The following SEC14L1 variants were observed in gnomAD, a reference collection of about 807,000 sequenced individuals.
SEC14L1 encodes the protein SEC14-like protein 1.
SEC14L1 carries 48 observed loss-of-function variants against 85.3 expected under a neutral mutation model. The ratio of observed to expected loss-of-function variants is 0.56; its 90% CI spans 0.45 to 0.72. SEC14L1 has a LOEUF of 0.72. Ranked by LOEUF, SEC14L1 falls within the 30% of genes least tolerant of loss-of-function variation. The pLI, the probability that SEC14L1 is intolerant of heterozygous loss-of-function variation, is 0.00. For synonymous variants in SEC14L1, 391 were observed against 355.5 expected, an observed-to-expected ratio of 1.10 and a Z score of -1.12; for missense variants, 682 against 921.4, an observed-to-expected ratio of 0.74 and a Z score of 3.36.
chr17:77,209,181 T>G (rs1205077123), intron 13 of SEC14L1, among the ~76,000 whole-genome samples, 161 bp from the exon 14 acceptor site: 3 of 152,240 alleles, frequency 2.0e-5, no homozygotes, highest in Non-Finnish European at 4.4e-5. Flanking sequence ...AAAAACATAT[T>G]GCTCAGTAGT....
At chr17:77,154,184 G>A (rs997026463) in intron 3 of SEC14L1, among the ~76,000 whole-genome samples, 1 of 152,178 alleles carries the variant, frequency 6.6e-6, no homozygotes, top group Non-Finnish European at 1.5e-5. Context: ...TAAAGTGTAC[G>A]GGAGGGCTGG....
chr17:77,203,233 T>G (rs1443976280), intron 9 of SEC14L1, among the ~76,000 whole-genome samples: 1 of 152,218 alleles, frequency 6.6e-6, no homozygotes, highest in East Asian at 1.9e-4. Flanking sequence ...GAGCCCAGCT[T>G]ATGGGCAGTT....
rs80149849 is a variant in SEC14L1, at chr17:77,123,778, G to A, written c.-135-18868G>A. On this transcript the variant is annotated intron_variant, in intron 3 of 19. Transcript: ENST00000392476. ...GTGTTAGAATCAGGTCCACCTGCTG[G>A]CCAGGCAGGGGCCAGCTTCCCCGGC... Among the ~76,000 whole-genome samples the A allele has an allele frequency of 6.0e-3, 915 of 152,272 alleles. 11 individuals are homozygous for A. Among genetic ancestry groups the A allele is most frequent in the African/African-American group, 0.021 (856 of 41,566 alleles).
intron 3 of SEC14L1, chr17:77,099,003 GA>G (rs1332835865): frequency 4.6e-5 from 7 of 151,902 alleles, no homozygotes; most frequent in African/African-American, 1.7e-4. Context: ...TATTTGTTGT[GA>G]TTTTTTTTTT....
At chr17:77,180,478 G>A (rs1974983089) in intron 3 of SEC14L1, among the ~76,000 whole-genome samples, 1 of 152,178 alleles carries the variant, frequency 6.6e-6, no homozygotes, top group Non-Finnish European at 1.5e-5. Flanking sequence ...GAGTGCAGTG[G>A]CGTGATCATG....
rs1404687622 is a variant in SEC14L1, at chr17:77,214,980, C to T, written c.*957C>T. 14 of 985,308 alleles carry T rather than the reference C, an allele frequency of 1.4e-5. No homozygotes were observed. Among genetic ancestry groups the T allele is most frequent in the Non-Finnish European group, 1.6e-5 (13 of 829,986 alleles). 61.0% of individuals were successfully genotyped at this position (985,308 alleles called of 1,614,324 possible). On this transcript the variant is annotated 3_prime_UTR_variant, in exon 17 of 17. Coordinates refer to ENST00000436233, the MANE Select transcript of SEC14L1 (RefSeq NM_001143998.2). ...CCATGGGGTTTTATTAGTAGCTAAG[C>T]AGCAGCTCTCGCATCCACTTCAGGG...
At chr17:77,137,557 A>C (rs1387760520), upstream of SEC14L1, among the ~76,000 whole-genome samples, 1 of 152,142 alleles carries the variant, frequency 6.6e-6, no homozygotes, top group Non-Finnish European at 1.5e-5. Flanking sequence ...TGTGGATTAC[A>C]ATTCAACATG....
At chr17:77,150,123 T>G (rs1364697468) in intron 3 of SEC14L1, among the ~76,000 whole-genome samples, 3 of 152,216 alleles carry the variant, frequency 2.0e-5, no homozygotes, top group Non-Finnish European at 4.4e-5. Flanking sequence ...CTCCTCTTGC[T>G]TTATTTTGTT....
In SEC14L1 at chr17:77,214,130, C is replaced by G; in HGVS notation, c.*107C>G. 1 of 1,487,112 alleles carries G rather than the reference C, an allele frequency of 6.7e-7. No individual in the cohort carries two copies. The highest frequency in any genetic ancestry group is 8.9e-7 in the Non-Finnish European group (1 of 1,121,000). 92.1% of individuals were successfully genotyped at this position (1,487,112 alleles called of 1,614,324 possible). A position where few individuals can be genotyped will look rare whatever the true frequency, so the allele number is the denominator to read the frequency against. ...GACATTGTACAGACTCCTCTCACCT[C>G]TAGATAGCAAATAGCTCTCAGATGG... On this transcript the variant is annotated 3_prime_UTR_variant, in exon 17 of 17. Coordinates refer to ENST00000436233, the MANE Select transcript of SEC14L1 (RefSeq NM_001143998.2).
intron 3 of SEC14L1, among the ~76,000 whole-genome samples, chr17:77,133,676 C>T (rs1249147595): frequency 6.6e-6 from 1 of 152,082 alleles, no homozygotes; most frequent in African/African-American, 2.4e-5. Context: ...CGGTGGCTCA[C>T]CCCTGTAATC....
intron 3 of SEC14L1, among the ~76,000 whole-genome samples, chr17:77,114,546 A>T (rs2143376658): frequency 6.6e-6 from 1 of 150,676 alleles, no homozygotes; most frequent in Middle Eastern, 3.4e-3. Flanking sequence ...CAAAAAAGGC[A>T]GGCACTGGCC....
chr17:77,154,378 G>C (rs1018362176), intron 3 of SEC14L1, among the ~76,000 whole-genome samples: 7 of 152,236 alleles, frequency 4.6e-5, no homozygotes, highest in Non-Finnish European at 8.8e-5. Flanking sequence ...GGAGACTTGA[G>C]ACAGGATTGT....
chr17:77,209,122 A>G (rs935204141), intron 13 of SEC14L1, among the ~76,000 whole-genome samples: 2 of 152,196 alleles, frequency 1.3e-5, no homozygotes, highest in African/African-American at 4.8e-5. Flanking sequence ...ATCAGCTTCA[A>G]CTTGTTCCCG....
chr17:77,149,059 C>T (rs995644309), intron 3 of SEC14L1, among the ~76,000 whole-genome samples: 3 of 152,176 alleles, frequency 2.0e-5, no homozygotes, highest in Non-Finnish European at 2.9e-5. Context: ...CCCCATCTGT[C>T]TCTCCAGATC....
intron 7 of SEC14L1, chr17:77,195,133 T>C (rs1367664741): frequency 1.8e-6 from 1 of 559,692 alleles, no homozygotes; most frequent in Non-Finnish European, 3.2e-6. Context: ...TATCAAGTTA[T>C]TTTTATTCTT....
chr17:77,107,142 C>T (rs901247319), intron 3 of SEC14L1, among the ~76,000 whole-genome samples: 1 of 152,148 alleles, frequency 6.6e-6, no homozygotes, highest in African/African-American at 2.4e-5. Flanking sequence ...ATTTATTCAG[C>T]CAACCACCGT....
At chr17:77,192,033 G>A (rs1367921437) in intron 5 of SEC14L1, among the ~76,000 whole-genome samples, 1 of 151,978 alleles carries the variant, frequency 6.6e-6, no homozygotes, top group Non-Finnish European at 1.5e-5. Context: ...CTGACCTCAT[G>A]ATCCGTCTGC....
chr17:77,099,297 C>G (rs1025220389), intron 3 of SEC14L1: 2 of 152,206 alleles, frequency 1.3e-5, no homozygotes, highest in African/African-American at 4.8e-5. Context: ...ACACGAGGCT[C>G]CGTAAGCCAC....
chr17:77,202,766 A>C (rs889976512), intron 9 of SEC14L1, among the ~76,000 whole-genome samples: 4 of 151,926 alleles, frequency 2.6e-5, no homozygotes, highest in Non-Finnish European at 5.9e-5. Flanking sequence ...GTAAAATACA[A>C]AAAATTAGCC....
Sources: gnomAD v4.1 joint callset for allele counts (sites outside exome capture counted in the v4.1 genomes callset) on GRCh38, gnomAD v4.1.1 for gene constraint, MANE v1.5 for transcripts, NCBI Gene and HGNC (gene_info 2026-07-23, HGNC 2026-07-21) for gene names.